The following DYRK1A variants were observed in gnomAD, a reference collection of about 807,000 sequenced individuals.
DYRK1A encodes dual specificity tyrosine phosphorylation regulated kinase 1A.
A neutral mutation model predicts 79.7 loss-of-function variants in DYRK1A; 9 were observed. The ratio of observed to expected loss-of-function variants is 0.11; its 90% CI spans 0.07 to 0.20. The LOEUF is 0.20. Among genes scored for constraint, DYRK1A ranks in the 10% least tolerant of loss-of-function variants. The pLI is 1.00. For missense variants in DYRK1A, 622 were observed against 956.0 expected (o/e 0.65, Z 4.61); for synonymous variants, 349 against 329.7 (o/e 1.06, Z -0.63).
intron 2 of DYRK1A, among the ~76,000 whole-genome samples, chr21:37,452,979 T>G (rs2051508363): frequency 6.6e-6 from 1 of 152,106 alleles, no homozygotes; most frequent in African/African-American, 2.4e-5. Flanking sequence ...GAGTGGTGGC[T>G]TACGCCTATA....
intron 2 of DYRK1A, among the ~76,000 whole-genome samples, chr21:37,472,095 G>C (rs2052245658): frequency 6.6e-6 from 1 of 152,136 alleles, no homozygotes; most frequent in Non-Finnish European, 1.5e-5. Flanking sequence ...CCTTAGGACT[G>C]TTTGAAAGGT....
chr21:37,482,587 G>T (rs910131581), intron 5 of DYRK1A, among the ~76,000 whole-genome samples: 2 of 152,220 alleles, frequency 1.3e-5, no homozygotes, highest in Non-Finnish European at 2.9e-5. Flanking sequence ...AATTGCTAAT[G>T]AAGTTTTGGG....
At chr21:37,378,083 T>G (rs2049583851) in intron 1 of DYRK1A, among the ~76,000 whole-genome samples, 1 of 152,238 alleles carries the variant, frequency 6.6e-6, no homozygotes, top group Non-Finnish European at 1.5e-5. Context: ...TTACCTTAGA[T>G]TTTTGTGAAT....
chr21:37,464,189 C>T (rs1397829326), intron 2 of DYRK1A: 3 of 386,784 alleles, frequency 7.8e-6, no homozygotes, highest in East Asian at 7.3e-5. Context: ...TTTGCTGTTT[C>T]CTCTGTGTTT....
At chr21:37,367,862 C>A (rs1048385385) in intron 1 of DYRK1A, among the ~76,000 whole-genome samples, 1 of 151,310 alleles carries the variant, frequency 6.6e-6, no homozygotes, top group Non-Finnish European at 1.5e-5. Context: ...GGGGCCGCGG[C>A]CTCCCGGGAG....
chr21:37,431,217 G>C lies in DYRK1A; in HGVS notation c.10+10833G>C, dbSNP rs183713668. On this transcript the variant is annotated intron_variant, in intron 2 of 11. Coordinates refer to ENST00000647188, the MANE Select transcript of DYRK1A (RefSeq NM_001347721.2). Reference sequence around the variant, plus strand: ...CTTGTTAGAAGCACCCTCCTTCCCAGCTTGGGAAAACTGAGCTGCTGGGGT... The same window carrying C: ...CTTGTTAGAAGCACCCTCCTTCCCACCTTGGGAAAACTGAGCTGCTGGGGT... 1.7e-3 allele frequency among the ~76,000 whole-genome samples: 260 copies of C among 152,282 alleles called. 1 individual carries two copies. Among genetic ancestry groups the C allele is most frequent in the African/African-American group, 5.8e-3 (241 of 41,570 alleles).
chr21:37,493,040 C>CGG lies in DYRK1A; in HGVS notation c.948_949insGG (p.Phe317GlyfsTer43). ...AGATATACCAGTATATTCAGAGTCG[C>CGG]TTTTATCGGTCTCCAGAGGTGCTAC... On this transcript the variant is annotated frameshift_variant, in exon 8 of 12. Transcript: ENST00000647188. LOFTEE classifies it high-confidence loss of function. 2 of 1,606,902 alleles carry CGG rather than the reference C, an allele frequency of 1.2e-6. No individual in the cohort carries two copies. Among genetic ancestry groups the CGG allele is most frequent in the Non-Finnish European group, 8.5e-7 (1 of 1,174,808 alleles).
chr21:37,464,950 TATC>T (rs991237267), intron 2 of DYRK1A, among the ~76,000 whole-genome samples: 12 of 152,242 alleles, frequency 7.9e-5, no homozygotes, highest in Non-Finnish European at 1.3e-4. Context: ...CTTGGAATCT[TATC>T]ATAGGAAAGG....
chr21:37,374,959 G>GAGAA (rs761014514), intron 1 of DYRK1A: 7 of 152,228 alleles, frequency 4.6e-5, no homozygotes, highest in Admixed American at 2.6e-4. Context: ...AGTGGGTGCA[G>GAGAA]AGAAGCTGAG....
At chr21:37,478,619 G>T (rs967073201) in intron 4 of DYRK1A, among the ~76,000 whole-genome samples, 50 of 151,776 alleles carry the variant, frequency 3.3e-4, no homozygotes, top group African/African-American at 1.2e-3. Context: ...ACAAGAAAGG[G>T]GAATAAGGAC....
chr21:37,430,666 T>C (rs1438596400), intron 2 of DYRK1A, among the ~76,000 whole-genome samples: 1 of 152,154 alleles, frequency 6.6e-6, no homozygotes, highest in Non-Finnish European at 1.5e-5. Context: ...GGCAGGAAGA[T>C]TCTCTTTCTC....
At chr21:37,507,134 C>T (rs1326022460) in intron 11 of DYRK1A, among the ~76,000 whole-genome samples, 1 of 152,200 alleles carries the variant, frequency 6.6e-6, no homozygotes, top group Non-Finnish European at 1.5e-5. Flanking sequence ...CAGACAGGAA[C>T]TCTCTCCACT....
At chr21:37,398,162 G>A (rs1181317261) in intron 1 of DYRK1A, among the ~76,000 whole-genome samples, 1 of 148,656 alleles carries the variant, frequency 6.7e-6, no homozygotes, top group Non-Finnish European at 1.5e-5. Context: ...ACCCTGCAGT[G>A]TACACACACA....
intron 2 of DYRK1A, among the ~76,000 whole-genome samples, chr21:37,437,891 G>A (rs2050973211): frequency 1.3e-5 from 2 of 152,136 alleles, no homozygotes; most frequent in Admixed American, 1.3e-4. Flanking sequence ...CAATCATGTG[G>A]TGGGTATATG....
chr21:37,465,548 G>C (rs2051996966), intron 2 of DYRK1A, among the ~76,000 whole-genome samples: 1 of 152,120 alleles, frequency 6.6e-6, no homozygotes, highest in South Asian at 2.1e-4. Flanking sequence ...TAGAAATGTT[G>C]ACCCTTGGCC....
intron 11 of DYRK1A, among the ~76,000 whole-genome samples, 167 bp from the exon 12 acceptor site, chr21:37,511,744 G>A (rs1427232150): frequency 1.3e-5 from 2 of 152,178 alleles, no homozygotes; most frequent in East Asian, 3.8e-4. Flanking sequence ...GCCCTTGAAT[G>A]TATTTGGGAT....
chr21:37,477,414 T>C (rs529386762), intron 3 of DYRK1A, among the ~76,000 whole-genome samples: 4 of 152,306 alleles, frequency 2.6e-5, no homozygotes, highest in Admixed American at 6.5e-5. Context: ...CAGTGGCACT[T>C]GGACAGCAAT....
At chr21:37,491,277 T>G (rs1250090271) in intron 7 of DYRK1A, among the ~76,000 whole-genome samples, 1 of 152,326 alleles carries the variant, frequency 6.6e-6, no homozygotes, top group East Asian at 1.9e-4. Flanking sequence ...CATTGTTTTA[T>G]GTATAAAATA....
At chr21:37,479,619 G>GGTTTTTTTTTTT (rs2052550346) in intron 4 of DYRK1A, among the ~76,000 whole-genome samples, 1 of 73,898 alleles carries the variant, frequency 1.4e-5, no homozygotes, top group Non-Finnish European at 2.3e-5. Context: ...TTTGTTTTTT[G>GGTTTTTTTTTTT]TTTTTTTTTT....
Sources: allele counts gnomAD v4.1 joint callset (sites outside exome capture counted in the v4.1 genomes callset), GRCh38; gene constraint gnomAD v4.1.1; transcripts MANE v1.5; gene names NCBI Gene and HGNC (gene_info 2026-07-23, HGNC 2026-07-21).